Variants in THAP3 observed in about 807,000 individuals in gnomAD.
THAP3 encodes THAP domain containing 3.
THAP3 carries 12 observed loss-of-function variants against 17.7 expected under a neutral mutation model. That is an observed-to-expected ratio of 0.68 (90% CI 0.43 to 1.10). THAP3 has a LOEUF of 1.10. Ranked by LOEUF, THAP3 falls within the 50% of genes least tolerant of loss-of-function variation. THAP3 has a pLI of 0.00. For synonymous variants in THAP3, 133 were observed against 126.9 expected (o/e 1.05, Z -0.32); for missense variants, 289 against 318.0 (o/e 0.91, Z 0.69).
At chr1:6,635,530 C>T (rs1192964451), downstream of THAP3, 2 of 898,918 alleles carry the variant, frequency 2.2e-6, no homozygotes, top group Non-Finnish European at 3.4e-6. Flanking sequence ...TCTGCATGTC[C>T]CTTCACATAA....
rs1352489024 is a variant in THAP3, at chr1:6,628,696, G to A, written c.267+5G>A. The A allele has an allele frequency of 6.2e-7, 1 of 1,611,190 alleles. No individual in the cohort carries two copies. Among genetic ancestry groups the A allele is most frequent in the East Asian group, 2.2e-5 (1 of 44,864 alleles). On this transcript the variant is annotated splice_donor_5th_base_variant and intron_variant, in intron 3 of 5. Coordinates refer to ENST00000054650, the MANE Select transcript of THAP3 (RefSeq NM_001195753.2). ...GCCTTTCAGGACCCCACACAGGTAG[G>A]AGGGCACTGCACCTTCCGTCTGGTC...
chr1:6,634,506 G>A (rs774263533), downstream of THAP3: 4 of 1,349,992 alleles, frequency 3.0e-6, no homozygotes, highest in Admixed American at 4.0e-5. Context: ...CGCAGCTTGG[G>A]GCCCCCCGCG....
downstream of THAP3, chr1:6,635,465 G>A (rs1353389973): frequency 1.8e-6 from 1 of 559,010 alleles, no homozygotes; most frequent in South Asian, 2.4e-5. Context: ...GCTGCAGTCT[G>A]GTTCCCAGTG....
At chr1:6,634,101 A>G, downstream of THAP3, 1 of 1,612,158 alleles carries the variant, frequency 6.2e-7, no homozygotes, top group Middle Eastern at 1.7e-4. Flanking sequence ...GATGGGGAGG[A>G]GGCCTCTGGG....
intron 2 of THAP3, 182 bp from the exon 3 acceptor site, chr1:6,628,317 T>C: frequency 1.7e-6 from 1 of 582,202 alleles, no homozygotes. Flanking sequence ...GGTTTCCTAT[T>C]AAGAGTGCTT....
chr1:6,630,028 G>A lies in THAP3; in HGVS notation c.268-260G>A, dbSNP rs185783530. Among the ~76,000 whole-genome samples the A allele has an allele frequency of 2.6e-5, 4 of 152,346 alleles. No homozygotes were observed. In the East Asian group the frequency reaches 5.8e-4, roughly 22 times the overall value. On this transcript the variant is annotated intron_variant, in intron 3 of 5. Coordinates refer to ENST00000054650, the MANE Select transcript of THAP3 (RefSeq NM_001195753.2). ...GTGCCAGGCCCTGGGGTGACACATA[G>A]GAAGTAGATGGGTCCCTAGCTCTAC...
chr1:6,632,439 G>A lies in THAP3; in HGVS notation c.382G>A (p.Asp128Asn). The change falls in exon 5 of 6, where the codon GAC becomes AAC. Residue 128 changes from aspartate (D) to asparagine (N), a missense_variant. By Grantham distance (23) the Asp-to-Asn change is conservative. Transcript: ENST00000054650. ...AGEDSPGRNMDTALEELQLPP... is the reference protein window; with the variant it reads ...AGEDSPGRNMNTALEELQLPP... ...AGAGGACAGTCCTGGGAGAAACATG[G>A]ACACTGCACTTGAAGAGCTTCAGTT... 2.5e-6 allele frequency: 4 copies of A among 1,614,128 alleles called. No individual in the cohort carries two copies. The highest frequency in any genetic ancestry group is 1.1e-5 in the South Asian group (1 of 91,072).
intron 3 of THAP3, 66 bp downstream of exon 3, chr1:6,628,757 C>G (rs1341063771): frequency 1.1e-5 from 17 of 1,499,580 alleles, no homozygotes; most frequent in Non-Finnish European, 1.5e-5. Context: ...CAGCTGGGGG[C>G]AGTGGGGGTG....
chr1:6,634,884 GC>G, downstream of THAP3: 1 of 1,203,962 alleles, frequency 8.3e-7, no homozygotes, highest in Non-Finnish European at 1.1e-6. Flanking sequence ...AGCTGCCCTT[GC>G]CCAGCACTGC....
chr1:6,628,243 G>C (rs934789020), intron 2 of THAP3: 6 of 460,308 alleles, frequency 1.3e-5, no homozygotes, highest in African/African-American at 2.0e-5. Context: ...CTCCTGGTAG[G>C]CTCCTGGCAA....
At chr1:6,631,614 C>G (rs1238649953) in intron 4 of THAP3, among the ~76,000 whole-genome samples, 1 of 152,014 alleles carries the variant, frequency 6.6e-6, no homozygotes, top group African/African-American at 2.4e-5. Context: ...ACTAAAAATA[C>G]AAAAATTCGG....
At chr1:6,626,813 T>C (rs1215785487) in intron 2 of THAP3, among the ~76,000 whole-genome samples, 2 of 152,168 alleles carry the variant, frequency 1.3e-5, no homozygotes, top group African/African-American at 4.8e-5. Flanking sequence ...ACCACTACAC[T>C]CCATCTTGGG....
intron 3 of THAP3, 85 bp downstream of exon 3, chr1:6,628,776 T>C (rs1252748296): frequency 7.0e-7 from 1 of 1,422,246 alleles, no homozygotes; most frequent in East Asian, 2.5e-5. Flanking sequence ...TGGCGGCATG[T>C]GTGGGAAAAG....
chr1:6,626,477 C>T (rs966048716), intron 2 of THAP3, among the ~76,000 whole-genome samples: 4 of 152,206 alleles, frequency 2.6e-5, no homozygotes, highest in African/African-American at 9.6e-5. Context: ...ATGCAAGTGC[C>T]AGAATTTACT....
At chr1:6,628,154 C>G in intron 2 of THAP3, 1 of 248,856 alleles carries the variant, frequency 4.0e-6, no homozygotes, top group Non-Finnish European at 7.8e-6. Flanking sequence ...ATCACTGTGC[C>G]CCCGCTCCAG....
In THAP3 at chr1:6,624,973, C is replaced by A. The variant is rs1184721930; in HGVS notation, c.-70+19C>A. On this transcript the variant is annotated intron_variant, in intron 1 of 5. Coordinates refer to ENST00000054650, the MANE Select transcript of THAP3 (RefSeq NM_001195753.2). ...GAATGGGGTAAGACTTGCACAGGCC[C>A]AAGGCTAGGAGTTGGGGTTTCGGGC... The A allele has an allele frequency of 1.9e-6, 1 of 534,962 alleles. No homozygotes were observed. The highest frequency in any genetic ancestry group is 3.3e-6 in the Non-Finnish European group (1 of 303,398). The allele number at this position is 534,962 out of a possible 1,614,324, so 33.1% of individuals were successfully genotyped here.
rs934951617 is a variant in THAP3, at chr1:6,633,270, G to A, written c.*193G>A. ...TGCCGTCTGGGGGACGTTTAGAGGC[G>A]TGGCACTAGGAGTGCACATCTGTGA... On this transcript the variant is annotated 3_prime_UTR_variant, in exon 6 of 6. Coordinates refer to ENST00000054650, the MANE Select transcript of THAP3 (RefSeq NM_001195753.2). The A allele has an allele frequency of 1.0e-5, 15 of 1,434,264 alleles. No homozygotes were observed. The highest frequency in any genetic ancestry group is 3.0e-5 in the South Asian group (2 of 66,092). 88.8% of individuals were successfully genotyped at this position (1,434,264 alleles called of 1,614,324 possible).
chr1:6,633,739 T>C (rs1406700324), downstream of THAP3, among the ~76,000 whole-genome samples: 1 of 152,128 alleles, frequency 6.6e-6, no homozygotes, highest in East Asian at 1.9e-4. Flanking sequence ...TGAAATCCCA[T>C]GTCTACTAAA....
downstream of THAP3, chr1:6,633,933 T>C (rs1641699812): frequency 4.0e-6 from 5 of 1,256,382 alleles, no homozygotes; most frequent in South Asian, 4.0e-5. Flanking sequence ...AAAACTGACT[T>C]CCTATTTTGT....
Sources: allele counts gnomAD v4.1 joint callset (sites outside exome capture counted in the v4.1 genomes callset), GRCh38; gene constraint gnomAD v4.1.1; transcripts MANE v1.5; gene names NCBI Gene and HGNC (gene_info 2026-07-23, HGNC 2026-07-21).